Variants in DUOX2 observed in about 807,000 individuals in gnomAD.
The protein encoded by DUOX2 is NADH/NADPH thyroid oxidase p138-tox.
A neutral mutation model predicts 183.3 loss-of-function variants in DUOX2; 185 were observed. The observed-to-expected ratio is 1.01, with a 90% CI of 0.90 to 1.14. The LOEUF (loss-of-function observed/expected upper bound fraction) is 1.14, where lower values mean the gene tolerates loss of function less well. Among genes scored for constraint, DUOX2 ranks in the 50% most tolerant of loss-of-function variants. The pLI is 0.00. For missense variants in DUOX2, 1,999 were observed against 2,022.9 expected, an observed-to-expected ratio of 0.99 and a Z score of 0.23; for synonymous variants, 788 against 812.4, an observed-to-expected ratio of 0.97 and a Z score of 0.51.
Position 45,110,408 on chromosome 15 carries a change from T to C in DUOX2, c.1040+20A>G. 6.2e-7 allele frequency: 1 copy of C among 1,607,488 alleles called. No individual in the cohort carries two copies. The highest frequency in any genetic ancestry group is 1.1e-5 in the South Asian group (1 of 90,590). ...CACCTTTCTTAGTGTGGTGCCCCTCTCTGCCAACCCCTCCCTCACCTCATG... is the reference window on the plus strand; with the variant it reads ...CACCTTTCTTAGTGTGGTGCCCCTCCCTGCCAACCCCTCCCTCACCTCATG... On this transcript the variant is annotated intron_variant, in intron 9 of 33. Coordinates refer to ENST00000389039, the MANE Select transcript of DUOX2 (RefSeq NM_001363711.2).
At chr15:45,095,688 T>C (rs745683765) in intron 30 of DUOX2, 93 bp from the exon 31 acceptor site, 2 of 1,590,080 alleles carry the variant, frequency 1.3e-6, no homozygotes, top group Non-Finnish European at 1.7e-6. Context: ...ATACAGAACA[T>C]CCTAGTCTTT....
rs751062013 is a variant in DUOX2, at chr15:45,095,106, C to A, written c.4240-15G>T. 6.2e-7 allele frequency: 1 copy of A among 1,611,988 alleles called. No individual in the cohort carries two copies. Among genetic ancestry groups the A allele is most frequent in the South Asian group, 1.1e-5 (1 of 90,766 alleles). ...ATGAAGTAGATCTGGGGACACAGGG[C>A]TGGAGATCAGGACCCAGCTCAGTTC... On this transcript the variant is annotated splice_polypyrimidine_tract_variant and intron_variant, in intron 31 of 33. Transcript: ENST00000389039.
rs748863515 is a variant in DUOX2, at chr15:45,094,689, G to A, written c.4398C>T (p.Tyr1466=). The change falls in exon 33 of 34, where the codon TAC becomes TAT. Residue 1466 remains tyrosine, a splice_region_variant and synonymous_variant. Coordinates refer to ENST00000389039, the MANE Select transcript of DUOX2 (RefSeq NM_001363711.2). ...EKFDLRTTML[Y]ICERHFQKVL... ...CTTTCTGGAAGTGCCGCTCGCAGAT[G>A]TACTGGGGGCACAGGGGCAGGTCAG... 7 of 1,614,084 alleles carry A rather than the reference G, an allele frequency of 4.3e-6. No homozygotes were observed. The highest frequency in any genetic ancestry group is 3.3e-5 in the Admixed American group (2 of 60,020).
Position 45,104,283 on chromosome 15 carries a change from A to G in DUOX2, c.2417T>C (p.Leu806Pro). The stretch of plus-strand genomic sequence containing the variant: ...GGACTCGGCAAACTCGGCCCTGCTC[A>G]GCTCGCAGGTCAGGGCCTCCCGCAC... ...QKVREALTCE[L>P]SRAEFAESLG... Residue 806 changes from leucine to proline, a missense_variant, in exon 19 of 34, where the codon CTG becomes CCG. By Grantham distance (98) the Leu-to-Pro change is moderately conservative (BLOSUM62 -3). Around this residue, in one of 3 missense-constraint regions of DUOX2, gnomAD observed 1,628 missense variants for 1,608.6 expected, o/e 1.01. Coordinates refer to ENST00000389039, the MANE Select transcript of DUOX2 (RefSeq NM_001363711.2). The G allele has an allele frequency of 6.2e-7, 1 of 1,614,128 alleles. No homozygotes were observed. Among genetic ancestry groups the G allele is most frequent in the Non-Finnish European group, 8.5e-7 (1 of 1,180,016 alleles).
rs1215584432 is a variant in DUOX2 at position 45,110,841 on chromosome 15, C to G, written c.883-131G>C. ...TCAATCATGGGAGAAGCAACTCAGA[C>G]AGGAGCAGTGTGAGGCCTGTCCCCA... On this transcript the variant is annotated intron_variant, in intron 7 of 33. Transcript: ENST00000389039. The G allele has an allele frequency of 4.3e-6, 6 of 1,408,292 alleles. No individual in the cohort carries two copies. In the East Asian group the frequency reaches 1.5e-4, roughly 34 times the overall value. The allele number at this position is 1,408,292 out of a possible 1,614,324, so 87.2% of individuals were successfully genotyped here.
chr15:45,095,791 C>T (rs760037729), intron 30 of DUOX2, 37 bp downstream of exon 30: 4 of 1,591,080 alleles, frequency 2.5e-6, no homozygotes, highest in Non-Finnish European at 2.6e-6. Flanking sequence ...TCTGCCAGTG[C>T]CAGAGGCCCG....
chr15:45,110,574 A>G, intron 8 of DUOX2, 50 bp from the exon 9 acceptor site: 2 of 1,613,676 alleles, frequency 1.2e-6, no homozygotes, highest in Non-Finnish European at 1.7e-6. Flanking sequence ...TTGCCTCCAC[A>G]TCCTCCCATC....
Position 45,113,440 on chromosome 15 carries a change from T to TG in DUOX2, c.-14-16dup. 1 of 1,551,096 alleles carries TG rather than the reference T, an allele frequency of 6.4e-7. No homozygotes were observed. Among genetic ancestry groups the TG allele is most frequent in the Non-Finnish European group, 8.7e-7 (1 of 1,147,066 alleles). ...AACCCTGCAGCCTGCGGGGTGAGGG[T>TG]GGGGGTGGTAGGTGGTATGCGAAAG... On this transcript the variant is annotated splice_polypyrimidine_tract_variant and intron_variant, in intron 1 of 33. Transcript: ENST00000389039.
At chr15:45,098,191 T>G in intron 26 of DUOX2, 133 bp from the exon 27 acceptor site, 1 of 824,508 alleles carries the variant, frequency 1.2e-6, no homozygotes, top group Non-Finnish European at 2.0e-6. Flanking sequence ...TGGCCAGGGA[T>G]CCCTCCAAGG....
At position 45,097,255 on chromosome 15, in the gene DUOX2, G is replaced by C. The variant is rs143471358; in HGVS notation, c.3830C>G (p.Ala1277Gly). 3.8e-3 allele frequency: 6,122 copies of C among 1,614,168 alleles called. 15 individuals carry two copies. Among genetic ancestry groups the C allele is most frequent in the Non-Finnish European group, 4.8e-3 (5,664 of 1,180,038 alleles). ...CCTGATACCTGAGGGCAGCAGCTCC[G>C]CCTTCACCACGCTGATCTCCACCTT... Reference protein sequence around the residue: ...RKKVEISVVKAELLPSGVTYL... With the variant: ...RKKVEISVVKGELLPSGVTYL... Residue 1277 changes from alanine to glycine, a missense_variant, in exon 29 of 34, where the codon GCG becomes GGG. Transcript: ENST00000389039.
In DUOX2 at chr15:45,109,655, G is replaced by A; in HGVS notation, c.1132-29C>T. Reference sequence around the variant, plus strand: ...GAAGTAAACAATGCACTCAAGATAGGCCTCTACCCAAAACTCGGTCTCTCT... The same window carrying A: ...GAAGTAAACAATGCACTCAAGATAGACCTCTACCCAAAACTCGGTCTCTCT... On this transcript the variant is annotated intron_variant, in intron 10 of 33. Transcript: ENST00000389039. 1.9e-6 allele frequency: 3 copies of A among 1,608,346 alleles called. No homozygotes were observed. The East Asian group carries it at 6.7e-5, about 36-fold the overall frequency.
intron 12 of DUOX2, 28 bp from the exon 13 acceptor site, chr15:45,108,250 A>AG (rs754849021): frequency 3.7e-6 from 6 of 1,613,296 alleles, no homozygotes; most frequent in Non-Finnish European, 5.1e-6. Flanking sequence ...ATAAGGGGTG[A>AG]GCGTATGTTT....
chr15:45,111,833 GC>G lies in DUOX2; in HGVS notation c.447del (p.Leu150CysfsTer26). 1 of 1,613,266 alleles carries G rather than the reference GC, an allele frequency of 6.2e-7. No individual in the cohort carries two copies. Among genetic ancestry groups the G allele is most frequent in the Non-Finnish European group, 8.5e-7 (1 of 1,179,884 alleles). On this transcript the variant is annotated frameshift_variant, in exon 5 of 34. Transcript: ENST00000389039. LOFTEE classifies it high-confidence loss of function. Reference protein sequence around the residue: ...VFDPDQRGDVVLPFQRSRWDP... With the variant: ...VFDPDQRGDVXLPFQRSRWDP... ...TCCCAGCGGCTCCTCTGGAAGGGCA[GC>G]ACCACGTCCCCGCGCTGGTCGGGGT...
At chr15:45,109,811 C>A in intron 10 of DUOX2, 79 bp downstream of exon 10, 7 of 1,452,980 alleles carry the variant, frequency 4.8e-6, no homozygotes, top group Non-Finnish European at 6.8e-6. Context: ...CACTCAAGAA[C>A]TGGGATTGTT....
chr15:45,103,655 AT>A (rs1894137910), intron 20 of DUOX2, among the ~76,000 whole-genome samples: 1 of 152,112 alleles, frequency 6.6e-6, no homozygotes, highest in African/African-American at 2.4e-5. Flanking sequence ...ATCCAAGGGC[AT>A]CCAAAAGGGA....
rs1161520838 is a variant in DUOX2 at position 45,111,814 on chromosome 15, C to A, written c.467G>T (p.Arg156Leu). The A allele has an allele frequency of 1.2e-6, 2 of 1,612,496 alleles. No individual in the cohort carries two copies. Among genetic ancestry groups the A allele is most frequent in the East Asian group, 2.2e-5 (1 of 44,818 alleles). ...GDVVLPFQRS[R>L]WDPETGRSPS... ...ACTCCGTCCGGTCTCGGGGTCCCAG[C>A]GGCTCCTCTGGAAGGGCAGCACCAC... Residue 156 changes from arginine (R) to leucine (L), a missense_variant, in exon 5 of 34, where the codon CGC (arginine) becomes CTC (leucine). By Grantham distance (102) the Arg-to-Leu change is moderately radical. This residue lies in a region of DUOX2 where 356 missense variants were observed against 356.4 expected (regional missense o/e 1.00). Transcript: ENST00000389039.
rs201703879 is a variant in DUOX2 at position 45,108,206 on chromosome 15, G to T, written c.1415C>A (p.Ala472Asp). 4.2e-4 allele frequency: 678 copies of T among 1,614,072 alleles called. 1 individual carries two copies. The highest frequency in any genetic ancestry group is 5.5e-4 in the Non-Finnish European group (644 of 1,180,028). Residue 472 changes from alanine to aspartate, a missense_variant, in exon 13 of 34, where the codon GCT (alanine) becomes GAT (aspartate). Around this residue, in one of 3 missense-constraint regions of DUOX2, gnomAD observed 1,628 missense variants for 1,608.6 expected, o/e 1.01. Coordinates refer to ENST00000389039, the MANE Select transcript of DUOX2 (RefSeq NM_001363711.2). ...GGATAGGTCCTGGTTGTACAGGGCA[G>T]CTGTGGCCTCCAGCACCTGGGGCAC... Reference protein sequence around the residue: ...NVDPQVLEATAALYNQDLSQL... With the variant: ...NVDPQVLEATDALYNQDLSQL...
At chr15:45,110,986 C>A (rs1595528246) in intron 7 of DUOX2, 125 bp downstream of exon 7, 1 of 1,445,134 alleles carries the variant, frequency 6.9e-7, no homozygotes, top group East Asian at 2.4e-5. Context: ...TTCCCTAGAC[C>A]TCGGCTGTCT....
chr15:45,097,920 T>G (rs929921319), intron 27 of DUOX2, 89 bp downstream of exon 27: 2 of 1,536,238 alleles, frequency 1.3e-6, no homozygotes, highest in African/African-American at 2.7e-5. Context: ...ACAGACCCCA[T>G]GGCCAGTATA....
Sources: allele counts gnomAD v4.1 joint callset (sites outside exome capture counted in the v4.1 genomes callset), GRCh38; gene constraint gnomAD v4.1.1; regional missense constraint gnomAD v4.1.1; transcripts MANE v1.5; gene names NCBI Gene and HGNC (gene_info 2026-07-23, HGNC 2026-07-21).